INPP4B: variants seen among roughly 807,000 people sequenced by gnomAD.
INPP4B encodes inositol polyphosphate 4-phosphatase type II.
A neutral mutation model predicts 122.5 loss-of-function variants in INPP4B; 55 were observed. The ratio of observed to expected loss-of-function variants is 0.45; its 90% CI spans 0.36 to 0.56. INPP4B has a LOEUF of 0.56. Among genes scored for constraint, INPP4B ranks in the 20% least tolerant of loss-of-function variants. The pLI, the probability that INPP4B is intolerant of heterozygous loss-of-function variation, is 0.00. For synonymous variants in INPP4B, 403 were observed against 388.7 expected (o/e 1.04, Z -0.43); for missense variants, 1,000 against 1,097.7 (o/e 0.91, Z 1.26).
chr4:142,092,424 G>A lies in INPP4B; in HGVS notation c.2375-6168C>T, dbSNP rs1173450442. On this transcript the variant is annotated intron_variant, in intron 23 of 25. Coordinates refer to ENST00000262992, the MANE Select transcript of INPP4B (RefSeq NM_001101669.3). ...TCCCGCCTCAGCCTCCCAAGTAGCT[G>A]GGATTACAGGCACCCGCCATCATGC... 2.0e-5 allele frequency among the ~76,000 whole-genome samples: 3 copies of A among 152,118 alleles called. 1 individual carries two copies. The highest frequency in any genetic ancestry group is 4.4e-5 in the Non-Finnish European group (3 of 68,026).
chr4:142,158,706 C>T (rs1372221135), intron 17 of INPP4B, among the ~76,000 whole-genome samples: 2 of 151,798 alleles, frequency 1.3e-5, no homozygotes, highest in East Asian at 3.9e-4. Context: ...ACTTACCTTC[C>T]CACTTGAAAT....
intron 1 of INPP4B, among the ~76,000 whole-genome samples, chr4:142,845,982 C>T (rs1223910389): frequency 6.6e-6 from 1 of 152,034 alleles, no homozygotes. Flanking sequence ...AGGGGTACCC[C>T]AGCAGCCGAG....
At chr4:142,427,401 T>A in intron 5 of INPP4B, 1 of 496,572 alleles carries the variant, frequency 2.0e-6, no homozygotes, top group East Asian at 3.3e-5. Flanking sequence ...AAAAAGAAAT[T>A]GAAGTTTTTT....
intron 2 of INPP4B, among the ~76,000 whole-genome samples, chr4:142,528,421 C>T (rs762987178): frequency 1.3e-5 from 2 of 151,976 alleles, no homozygotes; most frequent in Admixed American, 6.6e-5. Flanking sequence ...GTTTTAGGTC[C>T]GAGGACCTCA....
chr4:142,337,713 T>C (rs1273855533), intron 7 of INPP4B, among the ~76,000 whole-genome samples: 1 of 110,558 alleles, frequency 9.0e-6, no homozygotes, highest in Non-Finnish European at 1.9e-5. Flanking sequence ...GTATATTATA[T>C]ATAATATATA....
intron 2 of INPP4B, among the ~76,000 whole-genome samples, chr4:142,483,994 AC>A (rs1209590057): frequency 6.6e-6 from 1 of 152,026 alleles, no homozygotes. Flanking sequence ...ATAAAAAAAA[AC>A]TTTTCCTGTC....
At chr4:142,690,619 C>G (rs1471850924) in intron 2 of INPP4B, among the ~76,000 whole-genome samples, 2 of 152,176 alleles carry the variant, frequency 1.3e-5, no homozygotes, top group Non-Finnish European at 2.9e-5. Context: ...CCAGGCTCCC[C>G]TGCAGAGAAC....
chr4:142,451,726 T>C (rs1285394095), intron 3 of INPP4B, among the ~76,000 whole-genome samples: 1 of 152,140 alleles, frequency 6.6e-6, no homozygotes, highest in Non-Finnish European at 1.5e-5. Flanking sequence ...CCATGATCAT[T>C]GGAACTGGCA....
chr4:142,767,294 T>C (rs989551398), intron 1 of INPP4B, among the ~76,000 whole-genome samples: 1 of 152,170 alleles, frequency 6.6e-6, no homozygotes, highest in African/African-American at 2.4e-5. Flanking sequence ...AAAGAAGCAG[T>C]ATGCCCTTGC....
intron 2 of INPP4B, among the ~76,000 whole-genome samples, chr4:142,680,574 CA>C (rs1758476368): frequency 6.6e-6 from 1 of 151,864 alleles, no homozygotes; most frequent in Non-Finnish European, 1.5e-5. Context: ...CAGTTTTCAG[CA>C]AGTACATAAT....
chr4:142,689,508 T>C (rs566297879), intron 2 of INPP4B, among the ~76,000 whole-genome samples: 1 of 152,214 alleles, frequency 6.6e-6, no homozygotes, highest in Non-Finnish European at 1.5e-5. Context: ...TTGCCCATGA[T>C]AACCTTTTTT....
At chr4:142,785,918 A>T (rs551517316) in intron 1 of INPP4B, among the ~76,000 whole-genome samples, 1 of 152,242 alleles carries the variant, frequency 6.6e-6, no homozygotes, top group East Asian at 1.9e-4. Context: ...GGAAGAAGCC[A>T]GGGGGGTTGG....
chr4:142,080,369 A>G (rs1032169412), intron 25 of INPP4B, among the ~76,000 whole-genome samples: 1 of 152,168 alleles, frequency 6.6e-6, no homozygotes, highest in Non-Finnish European at 1.5e-5. Context: ...ACATGCATAC[A>G]TACACACAAA....
At chr4:142,449,869 C>T (rs1206844257) in intron 3 of INPP4B, among the ~76,000 whole-genome samples, 4 of 152,146 alleles carry the variant, frequency 2.6e-5, no homozygotes, top group African/African-American at 9.7e-5. Flanking sequence ...TACAGGCCCA[C>T]ATTTACTTAA....
chr4:142,538,580 A>G (rs564528292), intron 2 of INPP4B, among the ~76,000 whole-genome samples: 1 of 152,218 alleles, frequency 6.6e-6, no homozygotes, highest in South Asian at 2.1e-4. Flanking sequence ...TTCGTTGTCT[A>G]TGCCAGTTGA....
At chr4:142,697,557 G>A (rs1276626897) in intron 2 of INPP4B, among the ~76,000 whole-genome samples, 1 of 152,122 alleles carries the variant, frequency 6.6e-6, no homozygotes, top group Admixed American at 6.5e-5. Flanking sequence ...ACAAGATTTG[G>A]ACAATGGATT....
chr4:142,585,181 CTG>C (rs1166763949), intron 2 of INPP4B, among the ~76,000 whole-genome samples: 1 of 152,194 alleles, frequency 6.6e-6, no homozygotes, highest in Non-Finnish European at 1.5e-5. Flanking sequence ...TGTGCATTCA[CTG>C]TCTTAGCCCT....
At chr4:142,233,503 T>C (rs781390451) in intron 12 of INPP4B, among the ~76,000 whole-genome samples, 2 of 152,182 alleles carry the variant, frequency 1.3e-5, no homozygotes, top group Non-Finnish European at 2.9e-5. Context: ...AGCATATAAA[T>C]GAATGGTTTG....
At chr4:142,361,767 G>A (rs1785486491) in intron 7 of INPP4B, among the ~76,000 whole-genome samples, 1 of 151,638 alleles carries the variant, frequency 6.6e-6, no homozygotes, top group Admixed American at 6.6e-5. Flanking sequence ...ATTTATAGGT[G>A]GATATTGTCA....
Sources: gnomAD v4.1 joint callset for allele counts (sites outside exome capture counted in the v4.1 genomes callset) on GRCh38, gnomAD v4.1.1 for gene constraint, MANE v1.5 for transcripts, NCBI Gene and HGNC (gene_info 2026-07-23, HGNC 2026-07-21) for gene names.